The following IL20RA variants were observed in gnomAD, a reference collection of about 807,000 sequenced individuals.
IL20RA encodes the protein interleukin-20 receptor subunit alpha.
Under a neutral mutation model 36.5 loss-of-function variants are expected in IL20RA, and 29 were observed. The observed-to-expected ratio is 0.79, with a 90% CI of 0.59 to 1.08. The LOEUF (loss-of-function observed/expected upper bound fraction) is 1.08, where lower values mean the gene tolerates loss of function less well. Ranked by LOEUF, IL20RA falls within the 50% of genes least tolerant of loss-of-function variation. The pLI is 0.00. For missense variants in IL20RA, 652 were observed against 668.4 expected (o/e 0.98, Z 0.27); for synonymous variants, 279 against 267.1 (o/e 1.04, Z -0.43).
intron 2 of IL20RA, among the ~76,000 whole-genome samples, chr6:137,015,689 G>A (rs897349728): frequency 6.6e-6 from 1 of 151,978 alleles, no homozygotes; most frequent in African/African-American, 2.4e-5. Flanking sequence ...AAAAGACTTG[G>A]CTTTATTGTC....
chr6:137,035,130 T>C lies in IL20RA; in HGVS notation c.88+9511A>G, dbSNP rs182310391. ...CCACATTTTTAAAAAGATCTAAATTTATATTGAATTATAAATATTTTATAT... is the reference window on the plus strand; with the variant it reads ...CCACATTTTTAAAAAGATCTAAATTCATATTGAATTATAAATATTTTATAT... On this transcript the variant is annotated intron_variant, in intron 1 of 6. Transcript: ENST00000316649. Among the ~76,000 whole-genome samples, 71 of 152,232 alleles carry C rather than the reference T, an allele frequency of 4.7e-4. 1 individual carries two copies. Among genetic ancestry groups the C allele is most frequent in the African/African-American group, 1.7e-3 (69 of 41,544 alleles).
chr6:137,044,780 C>T lies in IL20RA; in HGVS notation c.-52G>A. 1.7e-6 allele frequency: 2 copies of T among 1,206,268 alleles called. No individual in the cohort carries two copies. The highest frequency in any genetic ancestry group is 2.1e-6 in the Non-Finnish European group (2 of 971,410). The allele number at this position is 1,206,268 out of a possible 1,614,324, so 74.7% of individuals were successfully genotyped here. ...GGGGGCAGCAGACTGCTCAGTCCCA[C>T]GCCCGCTGGGGCCAAGCGCGGCCGC... On this transcript the variant is annotated 5_prime_UTR_variant, in exon 1 of 7. In the 5' UTR this introduces an upstream ATG that the reference lacks. Coordinates refer to ENST00000316649, the MANE Select transcript of IL20RA (RefSeq NM_014432.4).
In IL20RA at chr6:137,000,347, T is replaced by C. The variant is rs1254245609; in HGVS notation, c.*1211A>G. ...ATATATTAAGGCAAACCATATGAAG[T>C]TACTGCTTGTCAGATTAAAAACAGC... On this transcript the variant is annotated 3_prime_UTR_variant, in exon 7 of 7. Coordinates refer to ENST00000316649, the MANE Select transcript of IL20RA (RefSeq NM_014432.4). The C allele has an allele frequency of 1.3e-5, 2 of 152,184 alleles. No homozygotes were observed. The highest frequency in any genetic ancestry group is 1.3e-4 in the Admixed American group (2 of 15,274). 9.4% of individuals were successfully genotyped at this position (152,184 alleles called of 1,614,324 possible).
At chr6:137,013,241 C>A (rs1202602094) in intron 2 of IL20RA, among the ~76,000 whole-genome samples, 1 of 152,280 alleles carries the variant, frequency 6.6e-6, no homozygotes, top group African/African-American at 2.4e-5. Flanking sequence ...ATTGCCATTG[C>A]CTATGTGGCC....
intron 6 of IL20RA, 89 bp from the exon 7 acceptor site, chr6:137,002,444 A>T: frequency 6.0e-6 from 5 of 830,434 alleles, no homozygotes; most frequent in East Asian, 2.6e-5. Flanking sequence ...GTCACCAGAC[A>T]GTTTTAAAGA....
chr6:137,017,711 A>G (rs1167852), intron 1 of IL20RA, among the ~76,000 whole-genome samples: 1 of 151,920 alleles, frequency 6.6e-6, no homozygotes, highest in African/African-American at 2.4e-5. Flanking sequence ...CCTTTACTAA[A>G]GAATATAGTA....
At position 137,000,620 on chromosome 6, in the gene IL20RA, G is replaced by A. The variant is rs1052890109; in HGVS notation, c.*938C>T. 35 of 152,142 alleles carry A rather than the reference G, an allele frequency of 2.3e-4. No homozygotes were observed. The highest frequency in any genetic ancestry group is 8.2e-4 in the African/African-American group (34 of 41,522). 9.4% of individuals were successfully genotyped at this position (152,142 alleles called of 1,614,324 possible). A position where few individuals can be genotyped will look rare whatever the true frequency, so the allele number is the denominator to read the frequency against. ...TTGTATGTCCTATATTTACTTATGGGTTTTAATATTATAAGAATAGAGGAT... is the reference window on the plus strand; with the variant it reads ...TTGTATGTCCTATATTTACTTATGGATTTTAATATTATAAGAATAGAGGAT... On this transcript the variant is annotated 3_prime_UTR_variant, in exon 7 of 7. Coordinates refer to ENST00000316649, the MANE Select transcript of IL20RA (RefSeq NM_014432.4).
At chr6:137,026,205 T>C (rs542262799) in intron 1 of IL20RA, among the ~76,000 whole-genome samples, 2 of 152,332 alleles carry the variant, frequency 1.3e-5, no homozygotes, top group African/African-American at 4.8e-5. Context: ...CTTCTAAAGC[T>C]GAAGCTGTGA....
rs374192357 is a variant in IL20RA at position 137,032,822 on chromosome 6, G to A, written c.88+11819C>T. Among the ~76,000 whole-genome samples, 30 of 152,232 alleles carry A rather than the reference G, an allele frequency of 2.0e-4. No homozygotes were observed. In the East Asian group the frequency reaches 3.5e-3, roughly 18 times the overall value. On this transcript the variant is annotated intron_variant, in intron 1 of 6. Coordinates refer to ENST00000316649, the MANE Select transcript of IL20RA (RefSeq NM_014432.4). Reference sequence around the variant, plus strand: ...AGGACTAGGATCGGACCTCTTCAAGGCTGAATTACGCCTTGATAAAGTTGT... The same window carrying A: ...AGGACTAGGATCGGACCTCTTCAAGACTGAATTACGCCTTGATAAAGTTGT...
In IL20RA at chr6:137,044,634, C is replaced by T. The variant is rs1244420331; in HGVS notation, c.88+7G>A. 13 of 1,222,318 alleles carry T rather than the reference C, an allele frequency of 1.1e-5. No individual in the cohort carries two copies. The highest frequency in any genetic ancestry group is 1.1e-5 in the Non-Finnish European group (11 of 981,474). The allele number at this position is 1,222,318 out of a possible 1,614,324, so 75.7% of individuals were successfully genotyped here. A position where few individuals can be genotyped will look rare whatever the true frequency, so the allele number is the denominator to read the frequency against. On this transcript the variant is annotated splice_region_variant and intron_variant, in intron 1 of 6. Transcript: ENST00000316649. ...CCGACCCGCACCTGGCGGCGCGACC[C>T]ACCTACCTGCCCGTCCCCAAGGCGC... is the stretch of plus-strand genomic sequence containing the variant.
At chr6:137,039,669 TACA>T (rs1776613196) in intron 1 of IL20RA, among the ~76,000 whole-genome samples, 1 of 152,164 alleles carries the variant, frequency 6.6e-6, no homozygotes, top group Non-Finnish European at 1.5e-5. Context: ...ACAGTGTAAG[TACA>T]ACATCGTAAT....
intron 1 of IL20RA, among the ~76,000 whole-genome samples, chr6:137,026,260 T>C (rs1484459571): frequency 6.6e-6 from 1 of 152,184 alleles, no homozygotes; most frequent in Admixed American, 6.5e-5. Context: ...TCTTATAAGG[T>C]CTTTGTATTC....
At chr6:137,021,419 C>T (rs1391703342) in intron 1 of IL20RA, among the ~76,000 whole-genome samples, 1 of 151,280 alleles carries the variant, frequency 6.6e-6, no homozygotes, top group Non-Finnish European at 1.5e-5. Context: ...AACCCCAGCA[C>T]TTTGGGAGGC....
intron 1 of IL20RA, among the ~76,000 whole-genome samples, chr6:137,043,398 C>T (rs745626674): frequency 2.0e-5 from 3 of 152,130 alleles, no homozygotes; most frequent in African/African-American, 7.2e-5. Context: ...TGAGCCACAG[C>T]GCCCAGCTTC....
chr6:137,008,421 A>G (rs936943903), intron 5 of IL20RA, among the ~76,000 whole-genome samples, 178 bp downstream of exon 5: 1 of 152,232 alleles, frequency 6.6e-6, no homozygotes, highest in African/African-American at 2.4e-5. Flanking sequence ...AACGTCGGCC[A>G]AGCTCAATGG....
chr6:137,029,869 A>T (rs1776211114), intron 1 of IL20RA, among the ~76,000 whole-genome samples: 1 of 152,102 alleles, frequency 6.6e-6, no homozygotes, highest in Non-Finnish European at 1.5e-5. Flanking sequence ...TTCCACTAAT[A>T]TCTTCATGAC....
intron 1 of IL20RA, among the ~76,000 whole-genome samples, chr6:137,028,553 A>C (rs1186480725): frequency 6.6e-6 from 1 of 152,228 alleles, no homozygotes; most frequent in African/African-American, 2.4e-5. Context: ...AGCAATACAT[A>C]AGTCATACAG....
chr6:137,011,139 C>T, intron 3 of IL20RA, 135 bp downstream of exon 3: 1 of 618,310 alleles, frequency 1.6e-6, no homozygotes, highest in Non-Finnish European at 2.8e-6. Flanking sequence ...CTTTGTCCTG[C>T]TCACTCAACC....
In IL20RA at chr6:137,008,607, G is replaced by A; in HGVS notation, c.716C>T (p.Thr239Ile). ...GATTTTTTAAAGCTTACCTTTCAAA[G>A]TCCTGGCACACTGCTTCTCAGAAGG... is the stretch of plus-strand genomic sequence containing the variant. ...AQPSEKQCARTLKDQSSEFKA... is the reference protein window; with the variant it reads ...AQPSEKQCARILKDQSSEFKA... Residue 239 changes from threonine (T) to isoleucine (I), a missense_variant, in exon 5 of 7, where the codon ACT becomes ATT. Transcript: ENST00000316649. 1 of 1,597,296 alleles carries A rather than the reference G, an allele frequency of 6.3e-7. No individual in the cohort carries two copies. The highest frequency in any genetic ancestry group is 8.5e-7 in the Non-Finnish European group (1 of 1,172,486).
Sources: allele counts gnomAD v4.1 joint callset (sites outside exome capture counted in the v4.1 genomes callset), GRCh38; gene constraint gnomAD v4.1.1; transcripts MANE v1.5; gene names NCBI Gene and HGNC (gene_info 2026-07-23, HGNC 2026-07-21).